MROH2B: variants seen among roughly 807,000 people sequenced by gnomAD.
MROH2B encodes maestro heat like repeat family member 2B.
MROH2B carries 177 observed loss-of-function variants against 208.6 expected under a neutral mutation model. The observed-to-expected ratio is 0.85, with a 90% CI of 0.75 to 0.96. The LOEUF is 0.96. Ranked by LOEUF, MROH2B falls within the 40% of genes least tolerant of loss-of-function variation. The probability of loss-of-function intolerance (pLI) is 0.00; values close to 1 mark genes in which losing one functional copy is unlikely to be tolerated. For missense variants in MROH2B, 2,002 were observed against 1,878.7 expected (o/e 1.07, Z -1.21); for synonymous variants, 728 against 659.0 (o/e 1.10, Z -1.60).
rs776528385 is a variant in MROH2B, at chr5:41,038,737, TG to T, written c.2212del (p.Gln738ArgfsTer7). On this transcript the variant is annotated frameshift_variant and splice_region_variant, in exon 21 of 42. Transcript: ENST00000399564. LOFTEE classifies it high-confidence loss of function. ...QVLSLHGQCS[Q>X]VLGMSVMNKD... ...AGGCAGCCATGCAACGGGCATTACC[TG>T]AGAGCACTGGCCATGAAGAGACAGG... The T allele has an allele frequency of 5.0e-6, 8 of 1,609,188 alleles. No individual in the cohort carries two copies. The highest frequency in any genetic ancestry group is 6.8e-6 in the Non-Finnish European group (8 of 1,177,712).
chr5:41,000,146 A>G (rs1741340142), intron 39 of MROH2B, 74 bp downstream of exon 39: 1 of 1,571,354 alleles, frequency 6.4e-7, no homozygotes, highest in African/African-American at 1.4e-5. Context: ...TCCTTGCTAC[A>G]TTGTTTGCCC....
chr5:41,022,451 G>T (rs1742183657), intron 24 of MROH2B, among the ~76,000 whole-genome samples: 1 of 152,230 alleles, frequency 6.6e-6, no homozygotes, highest in African/African-American at 2.4e-5. Flanking sequence ...CTTGCTCACT[G>T]CTAGCACAGC....
Position 41,058,099 on chromosome 5 carries a change from C to A in MROH2B, c.720G>T (p.Gln240His). 6.2e-7 allele frequency: 1 copy of A among 1,604,012 alleles called. No homozygotes were observed. The highest frequency in any genetic ancestry group is 2.3e-5 in the East Asian group (1 of 44,388). The part of the protein sequence containing the change: ...ALGQVPWLLN[Q>H]YKDKEIDFHV... ...GGAAATCAATCTCTTTGTCTTTATACTGGTTCAGGAGCCAGGGCACCTGGC... is the reference window on the plus strand; with the variant it reads ...GGAAATCAATCTCTTTGTCTTTATAATGGTTCAGGAGCCAGGGCACCTGGC... Residue 240 changes from glutamine (Q) to histidine (H), a missense_variant, in exon 7 of 42, where the codon CAG (glutamine) becomes CAT (histidine). Coordinates refer to ENST00000399564, the MANE Select transcript of MROH2B (RefSeq NM_173489.5).
At position 41,004,388 on chromosome 5, in the gene MROH2B, G is replaced by T; in HGVS notation, c.4152C>A (p.Tyr1384Ter). The change falls in exon 37 of 42, where the codon TAC becomes TAA. Residue 1384 changes from tyrosine to a stop codon, truncating the protein, a stop_gained. Transcript: ENST00000399564. LOFTEE classifies it high-confidence loss of function. Reference protein sequence around the residue: ...ELLTDRDVSFYFKEIVLQTRT... With the variant: ...ELLTDRDVSF ...TTGTTTGCAGCACTATTTCCTTGAA[G>T]TAGAAGCTCACGTCTCGGTCTGTCA... is the stretch of plus-strand genomic sequence containing the variant. 6.2e-7 allele frequency: 1 copy of T among 1,613,944 alleles called. No homozygotes were observed. Among genetic ancestry groups the T allele is most frequent in the Non-Finnish European group, 8.5e-7 (1 of 1,179,866 alleles).
intron 33 of MROH2B, among the ~76,000 whole-genome samples, chr5:41,008,061 CAG>C (rs1243802382): frequency 6.6e-6 from 1 of 152,088 alleles, no homozygotes; most frequent in African/African-American, 2.4e-5. Context: ...TGCAGGGAAA[CAG>C]AATGATGGGA....
intron 19 of MROH2B, among the ~76,000 whole-genome samples, chr5:41,041,153 A>T (rs1010379715): frequency 6.6e-6 from 1 of 152,206 alleles, no homozygotes; most frequent in African/African-American, 2.4e-5. Context: ...ATAGTAATAT[A>T]AAAGCAGTTT....
intron 24 of MROH2B, among the ~76,000 whole-genome samples, chr5:41,022,628 G>T (rs1346469839): frequency 6.6e-6 from 1 of 152,228 alleles, no homozygotes; most frequent in Non-Finnish European, 1.5e-5. Flanking sequence ...TGGTGGCAGG[G>T]CATAGCCGAA....
chr5:41,056,826 C>G (rs1284886191), intron 9 of MROH2B, among the ~76,000 whole-genome samples: 1 of 151,596 alleles, frequency 6.6e-6, no homozygotes, highest in Non-Finnish European at 1.5e-5. Context: ...TCAACTCACT[C>G]CAGTTTTCCA....
At chr5:41,003,030 G>A (rs1261608032) in intron 37 of MROH2B, among the ~76,000 whole-genome samples, 5 of 149,154 alleles carry the variant, frequency 3.4e-5, no homozygotes, top group African/African-American at 9.9e-5. Flanking sequence ...GCATGATCTC[G>A]GCTCACTGCA....
chr5:41,067,049 C>T, intron 3 of MROH2B, 59 bp downstream of exon 3: 1 of 910,328 alleles, frequency 1.1e-6, no homozygotes, highest in Non-Finnish European at 1.8e-6. Context: ...TTACTGATGT[C>T]CACATGGGTG....
chr5:41,056,976 T>G, intron 9 of MROH2B, 133 bp downstream of exon 9: 32 of 920,592 alleles, frequency 3.5e-5, no homozygotes, highest in South Asian at 4.6e-5. Flanking sequence ...CAGAAAACTG[T>G]GAGCTAAAGA....
chr5:41,032,884 T>G, intron 23 of MROH2B, 63 bp from the exon 24 acceptor site: 5 of 1,565,024 alleles, frequency 3.2e-6, no homozygotes, highest in Non-Finnish European at 4.4e-6. Context: ...CAGATGCAGC[T>G]GCAACCTCAT....
chr5:41,021,952 A>T (rs1392467260), intron 24 of MROH2B, among the ~76,000 whole-genome samples: 1 of 152,250 alleles, frequency 6.6e-6, no homozygotes, highest in Non-Finnish European at 1.5e-5. Flanking sequence ...CATTAAATGA[A>T]CTACGACAAG....
intron 34 of MROH2B, among the ~76,000 whole-genome samples, chr5:41,006,776 G>A (rs1160580941): frequency 1.3e-5 from 2 of 152,138 alleles, no homozygotes; most frequent in African/African-American, 2.4e-5. Flanking sequence ...ATATGTGGGA[G>A]CTAAGCTATT....
intron 27 of MROH2B, 104 bp from the exon 28 acceptor site, chr5:41,018,074 C>T: frequency 7.1e-7 from 1 of 1,415,190 alleles, no homozygotes; most frequent in Non-Finnish European, 9.4e-7. Flanking sequence ...TCTGCAGGTC[C>T]TTAGAATGAA....
rs1214663738 is a variant in MROH2B, at chr5:41,019,246, T to C, written c.2442-228A>G. Among the ~76,000 whole-genome samples, 3 of 152,200 alleles carry C rather than the reference T, an allele frequency of 2.0e-5. No individual in the cohort carries two copies. In the East Asian group the frequency reaches 5.8e-4, roughly 29 times the overall value. On this transcript the variant is annotated intron_variant, in intron 24 of 41. Coordinates refer to ENST00000399564, the MANE Select transcript of MROH2B (RefSeq NM_173489.5). ...ATACGCCTCCATTCTTTAGATTAGA[T>C]TGATGAACAAATCATCACTCACTTT...
intron 5 of MROH2B, among the ~76,000 whole-genome samples, chr5:41,064,205 T>C (rs1486844797): frequency 6.6e-6 from 1 of 152,180 alleles, no homozygotes; most frequent in Non-Finnish European, 1.5e-5. Context: ...TGTGTCACCA[T>C]TTTGGGAAAA....
chr5:41,004,446 C>A lies in MROH2B; in HGVS notation c.4094G>T (p.Ser1365Ile). The A allele has an allele frequency of 6.2e-7, 1 of 1,614,000 alleles. No individual in the cohort carries two copies. Among genetic ancestry groups the A allele is most frequent in the Non-Finnish European group, 8.5e-7 (1 of 1,179,868 alleles). The change falls in exon 37 of 42, where the codon AGC becomes ATC. Residue 1365 changes from serine to isoleucine, a missense_variant. By Grantham distance (142) the Ser-to-Ile change is moderately radical. Coordinates refer to ENST00000399564, the MANE Select transcript of MROH2B (RefSeq NM_173489.5). ...HLARTEVVCESLKALKKILEL... is the reference protein window; with the variant it reads ...HLARTEVVCEILKALKKILEL... Reference sequence around the variant, plus strand: ...CAGGATTTTTTTTAGAGCCTTCAAGCTTTCACAGACGACTTCAGTGCGAGC... The same window carrying A: ...CAGGATTTTTTTTAGAGCCTTCAAGATTTCACAGACGACTTCAGTGCGAGC...
intron 21 of MROH2B, among the ~76,000 whole-genome samples, chr5:41,036,658 G>C (rs958572921): frequency 3.9e-5 from 6 of 152,016 alleles, no homozygotes; most frequent in African/African-American, 1.4e-4. Context: ...ATAATCATGG[G>C]AACAAGACAC....
Sources: gnomAD v4.1 joint callset for allele counts (sites outside exome capture counted in the v4.1 genomes callset) on GRCh38, gnomAD v4.1.1 for gene constraint, MANE v1.5 for transcripts, NCBI Gene and HGNC (gene_info 2026-07-23, HGNC 2026-07-21) for gene names.